The following MAPDA variants were observed in gnomAD, a reference collection of about 807,000 sequenced individuals.
MAPDA encodes N6-Methyl-AMP deaminase, also known as N6,N6-dimethyl-AMP deaminase.
chr15:43,354,186 G>A, the MAPDA span: 1 of 152,158 alleles, frequency 6.6e-6, no homozygotes, highest in African/African-American at 2.4e-5. Context: ...GGTCAGAGAA[G>A]TTTTCTGTCT....
chr15:43,344,806 CAAA>C, the MAPDA span, among the ~76,000 whole-genome samples: 3 of 90,884 alleles, frequency 3.3e-5, no homozygotes, highest in Non-Finnish European at 2.8e-5. Context: ...AATTCTGTCT[CAAA>C]AAAAAAAAAA....
chr15:43,340,963 A>T, the MAPDA span, among the ~76,000 whole-genome samples: 2 of 152,186 alleles, frequency 1.3e-5, no homozygotes, highest in African/African-American at 4.8e-5. Flanking sequence ...AATGTAGGTT[A>T]TTCATTCGCT....
chr15:43,347,988 C>T, the MAPDA span, among the ~76,000 whole-genome samples: 1 of 152,118 alleles, frequency 6.6e-6, no homozygotes, highest in Non-Finnish European at 1.5e-5. Context: ...TGATAGAAAC[C>T]ATTGGTCATT....
At chr15:43,351,541 C>T in the MAPDA span, 3 of 534,638 alleles carry the variant, frequency 5.6e-6, no homozygotes, top group Non-Finnish European at 9.7e-6. Context: ...ATTTTAATAT[C>T]CAGCCAGAGT....
chr15:43,333,433 AG>A, the MAPDA span: 1 of 151,112 alleles, frequency 6.6e-6, no homozygotes, highest in African/African-American at 2.4e-5. Flanking sequence ...AAAAAAAAAA[AG>A]GTATGTTTTT....
At chr15:43,334,775 A>G in the MAPDA span, among the ~76,000 whole-genome samples, 2 of 150,840 alleles carry the variant, frequency 1.3e-5, no homozygotes, top group African/African-American at 2.4e-5. Flanking sequence ...TACACCTCTT[A>G]TAAGCTTGAG....
At chr15:43,330,351 G>C in the MAPDA span, 1 of 1,603,674 alleles carries the variant, frequency 6.2e-7, no homozygotes, top group South Asian at 1.1e-5. Context: ...GGTGCGCGGC[G>C]CGCCGCGCCC....
At chr15:43,347,157 T>C in the MAPDA span, 2 of 1,332,598 alleles carry the variant, frequency 1.5e-6, no homozygotes, top group Non-Finnish European at 2.1e-6. Context: ...TAGGGTCATT[T>C]GTAAGTGACT....
At chr15:43,333,110 G>A in the MAPDA span, among the ~76,000 whole-genome samples, 1 of 152,088 alleles carries the variant, frequency 6.6e-6, no homozygotes, top group African/African-American at 2.4e-5. Flanking sequence ...ACAAATTAAG[G>A]TCAGGATCCT....
At chr15:43,340,456 G>A in the MAPDA span, 11 of 880,400 alleles carry the variant, frequency 1.2e-5, no homozygotes, top group African/African-American at 1.4e-4. Flanking sequence ...TTATACTATT[G>A]TGTTGTTCTG....
chr15:43,346,209 A>G, the MAPDA span, among the ~76,000 whole-genome samples: 2 of 152,338 alleles, frequency 1.3e-5, no homozygotes, highest in East Asian at 1.9e-4. Flanking sequence ...TTGCCTGACT[A>G]TATGACTATT....
the MAPDA span, among the ~76,000 whole-genome samples, chr15:43,339,246 G>A: frequency 7.9e-5 from 12 of 152,210 alleles, no homozygotes; most frequent in African/African-American, 2.9e-4. Context: ...TGGTCCTGGA[G>A]TTTCATGTGA....
chr15:43,352,801 T>G, the MAPDA span: 3 of 152,246 alleles, frequency 2.0e-5, no homozygotes, highest in Non-Finnish European at 4.4e-5. Context: ...ATGACCGTAG[T>G]GACAGATAAA....
At chr15:43,334,739 ATACTC>A in the MAPDA span, among the ~76,000 whole-genome samples, 2 of 148,366 alleles carry the variant, frequency 1.3e-5, no homozygotes, top group Non-Finnish European at 3.0e-5. Context: ...GTTAAGGAAT[ATACTC>A]TACTAAATGT....
At chr15:43,344,019 A>C in the MAPDA span, among the ~76,000 whole-genome samples, 4 of 152,152 alleles carry the variant, frequency 2.6e-5, no homozygotes, top group Non-Finnish European at 4.4e-5. Flanking sequence ...AAAAAAAGTA[A>C]TAGCCAGTGT....
chr15:43,342,960 C>T, the MAPDA span: 6 of 1,436,130 alleles, frequency 4.2e-6, no homozygotes, highest in Non-Finnish European at 4.8e-6. Context: ...AGTTGATGAT[C>T]TCTTTACATG....
At chr15:43,338,407 C>T in the MAPDA span, among the ~76,000 whole-genome samples, 1 of 152,164 alleles carries the variant, frequency 6.6e-6, no homozygotes, top group East Asian at 1.9e-4. Flanking sequence ...ATGTACCAGA[C>T]ATTATTCTTA....
chr15:43,345,629 A>G, the MAPDA span, among the ~76,000 whole-genome samples: 5 of 152,312 alleles, frequency 3.3e-5, no homozygotes, highest in African/African-American at 1.2e-4. Context: ...ACCTCGAAAG[A>G]CAACTGTAAA....
the MAPDA span, chr15:43,345,860 G>C: frequency 6.2e-7 from 1 of 1,614,152 alleles, no homozygotes; most frequent in Non-Finnish European, 8.5e-7. Flanking sequence ...AAAGGTATTT[G>C]ATAGCAGTTG....
Sources: gnomAD v4.1 joint callset for allele counts (sites outside exome capture counted in the v4.1 genomes callset) on GRCh38, gnomAD v4.1.1 for gene constraint, MANE v1.5 for transcripts, NCBI Gene and HGNC (gene_info 2026-07-23, HGNC 2026-07-21) for gene names.